Variants in KAZN observed in about 807,000 individuals in gnomAD.
KAZN encodes kazrin, periplakin interacting protein, also known as kazrin.
Under a neutral mutation model 87.4 loss-of-function variants are expected in KAZN, and 40 were observed. The observed-to-expected ratio is 0.46, with a 90% CI of 0.36 to 0.60. The LOEUF (loss-of-function observed/expected upper bound fraction) is 0.60. Among genes scored for constraint, KAZN ranks in the 20% least tolerant of loss-of-function variants. KAZN has a pLI of 0.00. For synonymous variants in KAZN, 466 were observed against 458.3 expected, an observed-to-expected ratio of 1.02 and a Z score of -0.22; for missense variants, 898 against 1,073.9, an observed-to-expected ratio of 0.84 and a Z score of 2.29.
At chr1:14,842,944 T>C (rs1322446760) in intron 1 of KAZN, among the ~76,000 whole-genome samples, 1 of 152,160 alleles carries the variant, frequency 6.6e-6, no homozygotes, top group Non-Finnish European at 1.5e-5. Flanking sequence ...TGTGATGTGA[T>C]TGGTATATTG....
intron 2 of KAZN, among the ~76,000 whole-genome samples, chr1:14,533,551 C>T (rs1235561898): frequency 6.6e-6 from 1 of 152,198 alleles, no homozygotes; most frequent in Non-Finnish European, 1.5e-5. Context: ...GTGTCGGCAA[C>T]AGGATGGCTG....
chr1:14,227,748 C>T (rs1571074709), intron 2 of KAZN, among the ~76,000 whole-genome samples: 1 of 152,182 alleles, frequency 6.6e-6, no homozygotes, highest in Non-Finnish European at 1.5e-5. Flanking sequence ...GTGACTGGCT[C>T]TCAGCAAATT....
intron 2 of KAZN, among the ~76,000 whole-genome samples, chr1:14,524,301 C>T (rs1002986263): frequency 6.6e-6 from 1 of 152,112 alleles, no homozygotes; most frequent in Admixed American, 6.5e-5. Context: ...AGATTATAGG[C>T]ATGAGCCACC....
intron 1 of KAZN, among the ~76,000 whole-genome samples, chr1:14,040,048 CGT>C (rs898236952): frequency 2.7e-5 from 4 of 150,480 alleles, no homozygotes; most frequent in Non-Finnish European, 4.4e-5. Flanking sequence ...TGTGTGTGCA[CGT>C]GTGTGTGTGT....
intron 2 of KAZN, among the ~76,000 whole-genome samples, chr1:14,526,853 C>A (rs1474304814): frequency 6.6e-6 from 1 of 152,180 alleles, no homozygotes; most frequent in Middle Eastern, 3.2e-3. Flanking sequence ...ACCTGTCACC[C>A]AGAAGCGATT....
At chr1:14,014,441 T>G (rs1216789528) in intron 1 of KAZN, among the ~76,000 whole-genome samples, 1 of 152,080 alleles carries the variant, frequency 6.6e-6, no homozygotes, top group Non-Finnish European at 1.5e-5. Flanking sequence ...GCCTGGATAC[T>G]TAGCTCTTGG....
chr1:14,068,795 T>G (rs1314197871), intron 1 of KAZN, among the ~76,000 whole-genome samples: 1 of 139,424 alleles, frequency 7.2e-6, no homozygotes, highest in Non-Finnish European at 1.5e-5. Flanking sequence ...AGTTGTTGAG[T>G]TCTCTTTTTT....
intron 2 of KAZN, among the ~76,000 whole-genome samples, chr1:14,544,895 G>T (rs1309495993): frequency 6.6e-6 from 1 of 151,996 alleles, no homozygotes; most frequent in East Asian, 1.9e-4. Flanking sequence ...GCCCAGCCCA[G>T]CCTTCTTGGA....
intron 2 of KAZN, among the ~76,000 whole-genome samples, chr1:14,470,311 C>T (rs144117193): frequency 1.4e-4 from 22 of 152,102 alleles, no homozygotes; most frequent in African/African-American, 4.1e-4. Flanking sequence ...CTAAGTAAAC[C>T]CTTAGCACTT....
At chr1:14,042,246 G>A (rs1641869976) in intron 1 of KAZN, among the ~76,000 whole-genome samples, 1 of 151,592 alleles carries the variant, frequency 6.6e-6, no homozygotes, top group African/African-American at 2.4e-5. Flanking sequence ...AGAACCTGCT[G>A]CTCTTGATTC....
At chr1:14,822,535 C>T (rs1646763748) in intron 1 of KAZN, among the ~76,000 whole-genome samples, 1 of 152,176 alleles carries the variant, frequency 6.6e-6, no homozygotes, top group Non-Finnish European at 1.5e-5. Context: ...GCTGGGGAGC[C>T]GCCCCTCTCT....
chr1:14,834,340 G>T (rs1647150051), intron 1 of KAZN, among the ~76,000 whole-genome samples: 1 of 115,348 alleles, frequency 8.7e-6, no homozygotes. Context: ...CTGGCCCCAA[G>T]TCACCAAGTC....
At chr1:14,536,669 G>A (rs1432470595) in intron 2 of KAZN, among the ~76,000 whole-genome samples, 1 of 152,142 alleles carries the variant, frequency 6.6e-6, no homozygotes, top group African/African-American at 2.4e-5. Flanking sequence ...ACAACCTGAG[G>A]TCAGGAGTTC....
intron 2 of KAZN, among the ~76,000 whole-genome samples, chr1:14,443,359 G>A (rs373236950): frequency 7.2e-5 from 11 of 152,342 alleles, no homozygotes; most frequent in African/African-American, 2.6e-4. Flanking sequence ...CCAGCCAGCA[G>A]TCTACCTCTG....
At position 15,021,224 on chromosome 1, in the gene KAZN, C is replaced by G. The variant is rs974859343; in HGVS notation, c.419-13525C>G. The stretch of plus-strand genomic sequence containing the variant: ...CTGCCTCTTCCTCCTTTCTCAAGAC[C>G]GAGCCCAGGCCATTATCTTGCCTGC... On this transcript the variant is annotated intron_variant, in intron 2 of 14. Coordinates refer to ENST00000376030, the MANE Select transcript of KAZN (RefSeq NM_201628.3). This position sits in a 1 kb window ranked among gnomAD's most constrained non-coding sequence, Gnocchi z 4.2. 2.0e-5 allele frequency among the ~76,000 whole-genome samples: 3 copies of G among 152,276 alleles called. No homozygotes were observed. Among genetic ancestry groups the G allele is most frequent in the Middle Eastern group, 6.8e-3 (2 of 294 alleles).
intron 1 of KAZN, among the ~76,000 whole-genome samples, chr1:14,169,465 C>T (rs774683433): frequency 1.3e-5 from 2 of 152,146 alleles, no homozygotes; most frequent in East Asian, 1.9e-4. Context: ...AATTTCCTAC[C>T]TCTGGACAGT....
intron 1 of KAZN, among the ~76,000 whole-genome samples, chr1:14,734,502 G>A (rs140441703): frequency 0.034 from 5,157 of 151,886 alleles, 260 homozygotes; most frequent in African/African-American, 0.12. Context: ...TAGTAGAGAC[G>A]GGGTTTCTCC....
At chr1:14,414,628 G>A (rs1327174370) in intron 2 of KAZN, among the ~76,000 whole-genome samples, 1 of 151,414 alleles carries the variant, frequency 6.6e-6, no homozygotes, top group Non-Finnish European at 1.5e-5. Flanking sequence ...GTGTGTGTGT[G>A]TATGTGTGTG....
chr1:14,886,457 CACACACAG>C (rs1441200618), intron 1 of KAZN, among the ~76,000 whole-genome samples: 1 of 151,478 alleles, frequency 6.6e-6, no homozygotes, highest in Non-Finnish European at 1.5e-5. Flanking sequence ...CACACACACA[CACACACAG>C]AGAGAGACAG....
Sources: gnomAD v4.1 joint callset for allele counts (sites outside exome capture counted in the v4.1 genomes callset) on GRCh38, gnomAD v4.1.1 for gene constraint, Gnocchi (gnomAD v3.1) non-coding constraint, MANE v1.5 for transcripts, NCBI Gene and HGNC (gene_info 2026-07-23, HGNC 2026-07-21) for gene names.